Variants in CTNNA2 observed in about 807,000 individuals in gnomAD.
The protein encoded by CTNNA2 is catenin alpha 2, also known as catenin alpha-2.
CTNNA2 carries 42 observed loss-of-function variants against 101.0 expected under a neutral mutation model. The ratio of observed to expected loss-of-function variants is 0.42; its 90% CI spans 0.32 to 0.54. The LOEUF (loss-of-function observed/expected upper bound fraction) is 0.54. Among genes scored for constraint, CTNNA2 ranks in the 20% least tolerant of loss-of-function variants. The pLI is 0.14. For missense variants in CTNNA2, 871 were observed against 1,223.1 expected, an observed-to-expected ratio of 0.71 and a Z score of 4.29; for synonymous variants, 450 against 456.4, an observed-to-expected ratio of 0.99 and a Z score of 0.18.
chr2:80,043,052 TTTCTTTCTTTCTTTCTTTCTTTC>T (rs1558754695), intron 7 of CTNNA2, among the ~76,000 whole-genome samples: 2 of 31,326 alleles, frequency 6.4e-5, no homozygotes. Flanking sequence ...TCTTTCTTTC[TTTCTTTCTTTCTTTCTTTCTTTC>T]TTTCTTTCTT....
chr2:80,495,863 C>T (rs59199389), intron 9 of CTNNA2, among the ~76,000 whole-genome samples: 10,806 of 147,628 alleles, frequency 0.073, 1,073 homozygotes, highest in African/African-American at 0.22. Context: ...TAGCTTGAGC[C>T]CGGGAGACGG....
chr2:80,174,122 A>G (rs759766296), intron 7 of CTNNA2, among the ~76,000 whole-genome samples: 9 of 152,306 alleles, frequency 5.9e-5, no homozygotes, highest in Middle Eastern at 6.8e-3. Flanking sequence ...AATATCAAAT[A>G]TGGCCTCAGA....
rs561477838 is a variant in CTNNA2, at chr2:79,199,547, G to A, written c.-406+1471G>A. Among the ~76,000 whole-genome samples, 14 of 151,470 alleles carry A rather than the reference G, an allele frequency of 9.2e-5. No homozygotes were observed. The South Asian group carries it at 1.3e-3, about 14-fold the overall frequency. On this transcript the variant is annotated intron_variant, in intron 2 of 21. Transcript: ENST00000466387. Reference sequence around the variant, plus strand: ...GGTTCTTTTCTCCCTTTTTTATCTCGAATATAGTGTAGTTACTAGAATTCA... The same window carrying A: ...GGTTCTTTTCTCCCTTTTTTATCTCAAATATAGTGTAGTTACTAGAATTCA...
chr2:79,947,102 A>G (rs1558664622), intron 7 of CTNNA2, among the ~76,000 whole-genome samples: 2 of 152,242 alleles, frequency 1.3e-5, no homozygotes, highest in African/African-American at 4.8e-5. Context: ...GCCTTGTTAC[A>G]CTTTAAATCC....
At chr2:79,908,420 T>C (rs1685565680) in intron 6 of CTNNA2, among the ~76,000 whole-genome samples, 1 of 152,186 alleles carries the variant, frequency 6.6e-6, no homozygotes, top group Non-Finnish European at 1.5e-5. Context: ...ATTGCCACTC[T>C]GGTTCTTGGA....
chr2:80,467,522 G>T (rs1684961339), intron 9 of CTNNA2, among the ~76,000 whole-genome samples: 2 of 152,170 alleles, frequency 1.3e-5, no homozygotes, highest in African/African-American at 4.8e-5. Flanking sequence ...TCACTTTAAT[G>T]ATCTAGGGCA....
rs1482030377 is a variant in CTNNA2 at position 80,642,994 on chromosome 2, T to TAA, written c.2575-4588_2575-4587dup. ...AGACAATGTCCTATAGAAAGGCCTA[T>TAA]AAAACAGCTCTCCTGCCCCTATTTG... On this transcript the variant is annotated intron_variant, in intron 18 of 18. Transcript: ENST00000402739. 9.9e-5 allele frequency among the ~76,000 whole-genome samples: 15 copies of TAA among 152,280 alleles called. No individual in the cohort carries two copies. In the South Asian group the frequency reaches 1.7e-3, roughly 17 times the overall value.
chr2:80,156,439 CAAATACAAATTTGGATTT>C (rs1229973046), intron 7 of CTNNA2, among the ~76,000 whole-genome samples: 11 of 152,184 alleles, frequency 7.2e-5, no homozygotes, highest in Admixed American at 6.5e-4. Context: ...CATTTACTTA[CAAATACAAATTTGGATTT>C]CTAAGGTTCA....
At chr2:80,344,525 C>G (rs1433116824) in intron 7 of CTNNA2, among the ~76,000 whole-genome samples, 1 of 152,168 alleles carries the variant, frequency 6.6e-6, no homozygotes, top group Non-Finnish European at 1.5e-5. Context: ...CACTCTGCCA[C>G]CCAGGCTGGA....
chr2:80,021,259 A>G (rs1420248411), intron 7 of CTNNA2, among the ~76,000 whole-genome samples: 7 of 151,692 alleles, frequency 4.6e-5, no homozygotes, highest in Non-Finnish European at 7.4e-5. Context: ...AGCTCAAGCA[A>G]TCCTCCCGCC....
At chr2:79,936,210 C>T in intron 7 of CTNNA2, among the ~76,000 whole-genome samples, 1 of 147,002 alleles carries the variant, frequency 6.8e-6, no homozygotes, top group Non-Finnish European at 1.5e-5. Flanking sequence ...CTCAGTATTT[C>T]TGAGTTTGTT....
intron 8 of CTNNA2, among the ~76,000 whole-genome samples, chr2:80,414,766 C>G (rs982612613): frequency 2.6e-5 from 4 of 152,190 alleles, no homozygotes; most frequent in Non-Finnish European, 5.9e-5. Context: ...ACAGGTCAAT[C>G]TTTCTGCTTA....
intron 14 of CTNNA2, among the ~76,000 whole-genome samples, chr2:80,588,749 C>T (rs1027983145): frequency 2.0e-5 from 3 of 152,120 alleles, no homozygotes; most frequent in East Asian, 3.9e-4. Context: ...GTAGGCACAC[C>T]GTCCCTGGAG....
At position 79,446,910 on chromosome 2, in the gene CTNNA2, T is replaced by G. The variant is rs192847804; in HGVS notation, c.-134-58144T>G. Among the ~76,000 whole-genome samples, 7 of 152,168 alleles carry G rather than the reference T, an allele frequency of 4.6e-5. No individual in the cohort carries two copies. The East Asian group carries it at 9.7e-4, about 21-fold the overall frequency. ...TCCTTTTTTAGCTACTGTTTAATTT[T>G]CCTCCAAATGTGATTAGAGAAAATA... On this transcript the variant is annotated intron_variant, in intron 4 of 21. Coordinates refer to the CTNNA2 transcript ENST00000466387.
chr2:80,170,366 C>T (rs1030434780), intron 7 of CTNNA2, among the ~76,000 whole-genome samples: 2 of 152,082 alleles, frequency 1.3e-5, no homozygotes, highest in Non-Finnish European at 2.9e-5. Flanking sequence ...CTTTCTTTGA[C>T]AGTTTATCTT....
At chr2:79,331,229 C>T (rs555386242) in intron 3 of CTNNA2, among the ~76,000 whole-genome samples, 1 of 152,272 alleles carries the variant, frequency 6.6e-6, no homozygotes, top group East Asian at 1.9e-4. Context: ...GTCTTCATTC[C>T]TCTTGGATCC....
chr2:79,713,071 A>C (rs550194687), intron 2 of CTNNA2, among the ~76,000 whole-genome samples: 1 of 152,346 alleles, frequency 6.6e-6, no homozygotes, highest in South Asian at 2.1e-4. Context: ...AATGAAAAGA[A>C]AAGGAAATAA....
chr2:80,215,760 G>T (rs1220996211), intron 7 of CTNNA2, among the ~76,000 whole-genome samples: 4 of 152,172 alleles, frequency 2.6e-5, no homozygotes, highest in Non-Finnish European at 4.4e-5. Flanking sequence ...CAAACTCTGT[G>T]CTGGGAGAAC....
chr2:80,187,876 TACA>T (rs1706233820), intron 7 of CTNNA2, among the ~76,000 whole-genome samples: 1 of 152,210 alleles, frequency 6.6e-6, no homozygotes, highest in African/African-American at 2.4e-5. Context: ...ATCCTCACCT[TACA>T]ACCATATGTA....
Sources: allele counts gnomAD v4.1 joint callset (sites outside exome capture counted in the v4.1 genomes callset), GRCh38; gene constraint gnomAD v4.1.1; transcripts MANE v1.5; gene names NCBI Gene and HGNC (gene_info 2026-07-23, HGNC 2026-07-21).